Variants in CDH13 observed in about 807,000 individuals in gnomAD.
The protein encoded by CDH13 is cadherin-13.
In CDH13, 24 loss-of-function variants were observed where a neutral mutation model predicts 63.8. The ratio of observed to expected loss-of-function variants is 0.38; its 90% CI spans 0.27 to 0.53. CDH13 has a LOEUF of 0.53. CDH13 is among the 20% of genes least tolerant of loss of function. CDH13 has a pLI of 0.85. For missense variants in CDH13, 1,049 were observed against 903.1 expected, an observed-to-expected ratio of 1.16 and a Z score of -2.07; for synonymous variants, 503 against 355.3, an observed-to-expected ratio of 1.42 and a Z score of -4.67.
chr16:83,565,721 G>T (rs1289191959), intron 7 of CDH13, among the ~76,000 whole-genome samples: 5 of 151,690 alleles, frequency 3.3e-5, no homozygotes, highest in Non-Finnish European at 5.9e-5. Flanking sequence ...TCAGGCTTAT[G>T]ACTTTTCTTT....
chr16:83,106,055 C>G (rs992631682), intron 3 of CDH13, among the ~76,000 whole-genome samples: 3 of 152,224 alleles, frequency 2.0e-5, no homozygotes, highest in Non-Finnish European at 4.4e-5. Flanking sequence ...TTTTATTCCA[C>G]TGGTGGGTTA....
intron 6 of CDH13, among the ~76,000 whole-genome samples, chr16:83,371,434 C>A (rs1288136419): frequency 6.6e-6 from 1 of 152,262 alleles, no homozygotes; most frequent in East Asian, 1.9e-4. Flanking sequence ...CCCTTTTCCT[C>A]TTTCTTGGCA....
chr16:83,032,976 T>C (rs973373311), intron 3 of CDH13, among the ~76,000 whole-genome samples: 9 of 152,232 alleles, frequency 5.9e-5, no homozygotes, highest in Admixed American at 5.9e-4. Flanking sequence ...TGTACATATG[T>C]GTACATGTAT....
chr16:83,587,114 A>G (rs1240870157), intron 7 of CDH13, among the ~76,000 whole-genome samples: 1 of 152,192 alleles, frequency 6.6e-6, no homozygotes, highest in Non-Finnish European at 1.5e-5. Context: ...ACGAAAATGC[A>G]TTTGACTTAA....
chr16:83,022,909 C>G (rs551366700), intron 2 of CDH13: 10 of 152,310 alleles, frequency 6.6e-5, no homozygotes, highest in African/African-American at 2.2e-4. Context: ...CCTAGCTCTG[C>G]AAGCAGGACT....
At chr16:83,159,195 A>G (rs1478645928) in intron 4 of CDH13, among the ~76,000 whole-genome samples, 1 of 152,018 alleles carries the variant, frequency 6.6e-6, no homozygotes, top group Non-Finnish European at 1.5e-5. Flanking sequence ...CCTGGGGGAA[A>G]CAAAAAAAAA....
At chr16:82,853,169 A>G (rs141234353) in intron 1 of CDH13, among the ~76,000 whole-genome samples, 67 of 152,262 alleles carry the variant, frequency 4.4e-4, no homozygotes, top group Non-Finnish European at 7.1e-4. Flanking sequence ...TACAGAGGTA[A>G]CACAACTCAA....
chr16:82,747,377 T>C (rs1248075382), intron 1 of CDH13, among the ~76,000 whole-genome samples: 1 of 152,226 alleles, frequency 6.6e-6, no homozygotes, highest in Non-Finnish European at 1.5e-5. Flanking sequence ...GTGTGTTTAT[T>C]CAGGTAGCTT....
At chr16:83,056,629 T>A (rs946256704) in intron 3 of CDH13, among the ~76,000 whole-genome samples, 7 of 152,200 alleles carry the variant, frequency 4.6e-5, no homozygotes, top group Non-Finnish European at 1.0e-4. Context: ...TGATGTGAAC[T>A]AATCTATATT....
At chr16:82,789,848 C>G (rs1325253047) in intron 1 of CDH13, among the ~76,000 whole-genome samples, 6 of 152,136 alleles carry the variant, frequency 3.9e-5, no homozygotes, top group African/African-American at 1.4e-4. Context: ...ACCAGCCTGT[C>G]CACAGAGCAT....
intron 1 of CDH13, among the ~76,000 whole-genome samples, chr16:82,733,011 C>A (rs556718855): frequency 5.9e-5 from 9 of 152,304 alleles, no homozygotes; most frequent in African/African-American, 2.2e-4. Context: ...GCTTTCTCAA[C>A]ATAAGGCAAA....
chr16:83,465,619 C>G (rs760203568), intron 6 of CDH13, among the ~76,000 whole-genome samples: 1 of 152,188 alleles, frequency 6.6e-6, no homozygotes, highest in African/African-American at 2.4e-5. Context: ...TGCTTGATGC[C>G]TGTGTCGTTC....
intron 6 of CDH13, among the ~76,000 whole-genome samples, chr16:83,443,807 T>A (rs904075330): frequency 6.9e-6 from 1 of 145,918 alleles, no homozygotes; most frequent in African/African-American, 2.5e-5. Flanking sequence ...TGGTGGCATG[T>A]GCCTGTAGTC....
At position 83,720,038 on chromosome 16, in the gene CDH13, C is replaced by T. The variant is rs368518548; in HGVS notation, c.1539-28070C>T. 2.4e-4 allele frequency among the ~76,000 whole-genome samples: 36 copies of T among 152,318 alleles called. No homozygotes were observed. In the South Asian group the frequency reaches 6.8e-3, roughly 29 times the overall value. On this transcript the variant is annotated intron_variant, in intron 10 of 13. Coordinates refer to ENST00000567109, the MANE Select transcript of CDH13 (RefSeq NM_001257.5). ...ATATTCAAGATGGAATCAAGCTTGT[C>T]TTCCTGGCGGGTTGGTGAAGATGGC...
At chr16:83,614,922 C>G (rs1199852572) in intron 8 of CDH13, among the ~76,000 whole-genome samples, 1 of 152,150 alleles carries the variant, frequency 6.6e-6, no homozygotes, top group Non-Finnish European at 1.5e-5. Context: ...GAAGTGTCTC[C>G]TACTTGATGA....
intron 10 of CDH13, among the ~76,000 whole-genome samples, chr16:83,737,328 A>T (rs1319487516): frequency 6.6e-6 from 1 of 152,240 alleles, no homozygotes; most frequent in Non-Finnish European, 1.5e-5. Context: ...TTGACTTCGA[A>T]GTTACTAAGA....
At chr16:83,226,660 G>T (rs374985052) in intron 5 of CDH13, among the ~76,000 whole-genome samples, 4 of 152,156 alleles carry the variant, frequency 2.6e-5, no homozygotes, top group Non-Finnish European at 4.4e-5. Flanking sequence ...CCCAAGGTGC[G>T]GAAGCATCGC....
rs548884006 is a variant in CDH13, at chr16:82,834,155, C to G, written c.46-24207C>G. On this transcript the variant is annotated intron_variant, in intron 1 of 13. Transcript: ENST00000567109. Reference sequence around the variant, plus strand: ...GGATTAACTCTTGATGCACTAAAGGCAAACTACCGGACCCTGGGAGATCCA... The same window carrying G: ...GGATTAACTCTTGATGCACTAAAGGGAAACTACCGGACCCTGGGAGATCCA... Among the ~76,000 whole-genome samples, 6 of 152,298 alleles carry G rather than the reference C, an allele frequency of 3.9e-5. No homozygotes were observed. The South Asian group carries it at 1.2e-3, about 32-fold the overall frequency.
At chr16:83,188,235 T>C (rs1226068234) in intron 4 of CDH13, among the ~76,000 whole-genome samples, 3 of 152,058 alleles carry the variant, frequency 2.0e-5, no homozygotes, top group African/African-American at 7.2e-5. Flanking sequence ...GAATAGAGTG[T>C]GGATGGGGCA....
Sources: gnomAD v4.1 joint callset for allele counts (sites outside exome capture counted in the v4.1 genomes callset) on GRCh38, gnomAD v4.1.1 for gene constraint, MANE v1.5 for transcripts, NCBI Gene and HGNC (gene_info 2026-07-23, HGNC 2026-07-21) for gene names.